Variants in NLRP11 observed in about 807,000 individuals in gnomAD.
The protein encoded by NLRP11 is NACHT, LRR and PYD domains-containing protein 11.
NLRP11 carries 53 observed loss-of-function variants against 79.3 expected under a neutral mutation model. The observed-to-expected ratio is 0.67, with a 90% CI of 0.54 to 0.84. The LOEUF is 0.84. Ranked by LOEUF, NLRP11 falls within the 40% of genes least tolerant of loss-of-function variation. NLRP11 has a pLI of 0.00. For missense variants in NLRP11, 1,264 were observed against 1,255.0 expected (o/e 1.01, Z -0.11); for synonymous variants, 518 against 462.6 (o/e 1.12, Z -1.54).
At chr19:55,802,947 G>T (rs1979626020) in intron 4 of NLRP11, among the ~76,000 whole-genome samples, 3 of 152,110 alleles carry the variant, frequency 2.0e-5, no homozygotes, top group Admixed American at 2.0e-4. Flanking sequence ...TGGTGCTGGG[G>T]TAACTGGCTA....
At chr19:55,801,713 C>A in exon 5 of NLRP11, 1 of 1,614,114 alleles carries the variant, frequency 6.2e-7, no homozygotes, top group South Asian at 1.1e-5. Flanking sequence ...GTCTTCAAAA[C>A]CAGAAGCAGT....
chr19:55,792,792 C>G (rs540688858), intron 6 of NLRP11, among the ~76,000 whole-genome samples: 7 of 152,154 alleles, frequency 4.6e-5, no homozygotes, highest in Non-Finnish European at 1.0e-4. Context: ...TAAATTGAAT[C>G]CTAGGATTTT....
chr19:55,831,388 C>A (rs1982774564), intron 1 of NLRP11, among the ~76,000 whole-genome samples: 1 of 151,406 alleles, frequency 6.6e-6, no homozygotes, highest in Non-Finnish European at 1.5e-5. Flanking sequence ...ATGGCGAAAC[C>A]CCATCTCTAC....
At chr19:55,817,483 A>T (rs73060125) in intron 2 of NLRP11, among the ~76,000 whole-genome samples, 5,532 of 151,944 alleles carry the variant, frequency 0.036, 104 homozygotes, top group African/African-American at 0.053. Flanking sequence ...ACACACAAAT[A>T]CTACTCAGTC....
chr19:55,819,052 T>C (rs929882464), intron 1 of NLRP11, among the ~76,000 whole-genome samples: 1 of 151,694 alleles, frequency 6.6e-6, no homozygotes, highest in Non-Finnish European at 1.5e-5. Flanking sequence ...TCAAGATGAC[T>C]GCAAGGTGCT....
At chr19:55,812,544 C>A (rs897955955) in intron 2 of NLRP11, among the ~76,000 whole-genome samples, 1 of 152,168 alleles carries the variant, frequency 6.6e-6, no homozygotes, top group African/African-American at 2.4e-5. Flanking sequence ...TCACGATGAG[C>A]TATTCCCTTC....
At position 55,808,860 on chromosome 19, in the gene NLRP11, A is replaced by G. The variant is rs1382530762; in HGVS notation, c.1750T>C (p.Cys584Arg). The change falls in exon 3 of 10, where the codon TGT becomes CGT. Residue 584 changes from cysteine (C) to arginine (R), a missense_variant. By Grantham distance (180) the Cys-to-Arg change is radical (BLOSUM62 -3). Transcript: ENST00000589093. ...CTCAGGTGACAGCAGTAATCCAGAC[A>G]GTATAATGAGACCATCATATCCTTG... 5.6e-6 allele frequency: 9 copies of G among 1,613,850 alleles called. No individual in the cohort carries two copies. In the African/African-American group the frequency reaches 6.7e-5, roughly 12 times the overall value.
intron 1 of NLRP11, among the ~76,000 whole-genome samples, chr19:55,820,179 T>TC (rs1440242316): frequency 1.3e-5 from 2 of 151,860 alleles, no homozygotes; most frequent in South Asian, 2.1e-4. Flanking sequence ...TTCCCTCTCC[T>TC]CCCCTAAAGG....
intron 5 of NLRP11, among the ~76,000 whole-genome samples, chr19:55,797,995 TA>T (rs35352514): frequency 0.66 from 95,172 of 144,524 alleles, 30,699 homozygotes; most frequent in Middle Eastern, 0.75. Context: ...TCTATATTAT[TA>T]TTATTTTTTT....
At chr19:55,790,089 C>T (rs1185682632) in intron 7 of NLRP11, among the ~76,000 whole-genome samples, 2 of 152,172 alleles carry the variant, frequency 1.3e-5, no homozygotes, top group Non-Finnish European at 2.9e-5. Flanking sequence ...TGACTCCATC[C>T]ACAACCTTCT....
At chr19:55,817,188 T>C (rs947334654) in intron 2 of NLRP11, among the ~76,000 whole-genome samples, 4 of 152,192 alleles carry the variant, frequency 2.6e-5, no homozygotes, top group East Asian at 1.9e-4. Flanking sequence ...AAAAAATAGA[T>C]GTTGGTATGG....
chr19:55,819,316 C>A (rs1239976019), intron 1 of NLRP11, among the ~76,000 whole-genome samples: 1 of 152,128 alleles, frequency 6.6e-6, no homozygotes, highest in Non-Finnish European at 1.5e-5. Flanking sequence ...CACACACAAA[C>A]CTGTGAAAAT....
chr19:55,812,566 A>G (rs1046471014), intron 2 of NLRP11, among the ~76,000 whole-genome samples: 1 of 152,192 alleles, frequency 6.6e-6, no homozygotes, highest in African/African-American at 2.4e-5. Flanking sequence ...CACCTGTTAG[A>G]ATGGATATTA....
intron 4 of NLRP11, among the ~76,000 whole-genome samples, chr19:55,804,488 C>T (rs1979793062): frequency 6.6e-6 from 1 of 151,522 alleles, no homozygotes; most frequent in Admixed American, 6.6e-5. Context: ...GGCCATTATC[C>T]TTAGCAAACT....
At chr19:55,785,696 T>C (rs1989834097) in exon 10 of NLRP11, 4 of 1,613,906 alleles carry the variant, frequency 2.5e-6, no homozygotes, top group African/African-American at 2.7e-5. Flanking sequence ...TTGAAAAACA[T>C]GTAATCCAAA....
Position 55,810,349 on chromosome 19 carries a change from G to A in NLRP11, c.272-11C>T, listed in dbSNP as rs200773459. The A allele has an allele frequency of 4.6e-5, 73 of 1,597,996 alleles. No homozygotes were observed. Among genetic ancestry groups the A allele is most frequent in the African/African-American group, 4.0e-5 (3 of 74,632 alleles). On this transcript the variant is annotated splice_polypyrimidine_tract_variant and intron_variant, in intron 2 of 9. Transcript: ENST00000589093. ...ATGCCTCCTGATTGCCTAATCCAGC[G>A]AGTACAGGGCAGAAAATACAGAACA...
intron 1 of NLRP11, among the ~76,000 whole-genome samples, chr19:55,822,784 T>G (rs567023486): frequency 6.6e-6 from 1 of 152,080 alleles, no homozygotes; most frequent in African/African-American, 2.4e-5. Context: ...TCTCGCTGAT[T>G]GCTAGCACAG....
At chr19:55,801,930 T>C (rs770941254) in intron 4 of NLRP11, among the ~76,000 whole-genome samples, 191 bp from the exon 5 acceptor site, 3 of 152,302 alleles carry the variant, frequency 2.0e-5, no homozygotes, top group Non-Finnish European at 4.4e-5. Flanking sequence ...CCTGTTGACT[T>C]TGAAGTAATC....
chr19:55,805,894 T>C (rs979492316), intron 4 of NLRP11, among the ~76,000 whole-genome samples: 1 of 152,204 alleles, frequency 6.6e-6, no homozygotes, highest in Non-Finnish European at 1.5e-5. Context: ...CTGCTCTCAC[T>C]ACCCTTCCAG....
Sources: gnomAD v4.1 joint callset for allele counts (sites outside exome capture counted in the v4.1 genomes callset) on GRCh38, gnomAD v4.1.1 for gene constraint, MANE v1.5 for transcripts, NCBI Gene and HGNC (gene_info 2026-07-23, HGNC 2026-07-21) for gene names.